VPS13C: variants seen among roughly 807,000 people sequenced by gnomAD.
VPS13C encodes the protein vacuolar protein sorting 13 homolog C.
Under a neutral mutation model 456.8 loss-of-function variants are expected in VPS13C, and 358 were observed. That is an observed-to-expected ratio of 0.78 (90% CI 0.72 to 0.86). The LOEUF (loss-of-function observed/expected upper bound fraction) is 0.86, where lower values mean the gene tolerates loss of function less well. Among genes scored for constraint, VPS13C ranks in the 40% least tolerant of loss-of-function variants. VPS13C has a pLI of 0.00. For missense variants in VPS13C, 4,818 were observed against 4,385.4 expected, an observed-to-expected ratio of 1.10 and a Z score of -2.79; for synonymous variants, 1,578 against 1,486.7, an observed-to-expected ratio of 1.06 and a Z score of -1.41.
intron 78 of VPS13C, among the ~76,000 whole-genome samples, chr15:61,872,686 A>G (rs1205081207): frequency 6.6e-6 from 1 of 152,092 alleles, no homozygotes; most frequent in Non-Finnish European, 1.5e-5. Flanking sequence ...TGATGGATAC[A>G]CACTTAAATT....
chr15:62,028,382 A>T lies in VPS13C; in HGVS notation c.424T>A (p.Phe142Ile). The T allele has an allele frequency of 6.2e-7, 1 of 1,613,092 alleles. No individual in the cohort carries two copies. The highest frequency in any genetic ancestry group is 8.5e-7 in the Non-Finnish European group (1 of 1,179,296). Residue 142 changes from phenylalanine (F) to isoleucine (I), a missense_variant, in exon 6 of 85, where the codon TTT (phenylalanine) becomes ATT (isoleucine). This residue lies in a region of VPS13C where 4,552 missense variants were observed against 4,130.6 expected (regional missense o/e 1.10). Coordinates refer to ENST00000644861, the MANE Select transcript of VPS13C (RefSeq NM_020821.3). ...CCAGGCTTGATGTCCTTGTAAACAA[A>T]GTTCTCCAAGCCATATATGAACTCC... is the stretch of plus-strand genomic sequence containing the variant. ...SGEFIYGLEN[F>I]VYKDIKPGRK...
At chr15:61,892,643 C>A (rs2042687045) in intron 66 of VPS13C, among the ~76,000 whole-genome samples, 1 of 152,136 alleles carries the variant, frequency 6.6e-6, no homozygotes, top group Admixed American at 6.5e-5. Flanking sequence ...CCCAAACAGA[C>A]AAAGCAAAGT....
chr15:61,982,383 G>T (rs2045913746), intron 21 of VPS13C, 76 bp downstream of exon 21: 1 of 1,038,798 alleles, frequency 9.6e-7, no homozygotes, highest in South Asian at 1.6e-5. Flanking sequence ...ATAATATTTT[G>T]AATACAATGT....
chr15:62,056,077 T>C (rs1290271300), intron 1 of VPS13C, among the ~76,000 whole-genome samples: 1 of 152,180 alleles, frequency 6.6e-6, no homozygotes, highest in African/African-American at 2.4e-5. Flanking sequence ...TTAGGCTAGT[T>C]AGACATTCCA....
intron 6 of VPS13C, among the ~76,000 whole-genome samples, chr15:62,026,291 A>G (rs2047635069): frequency 6.6e-6 from 1 of 151,932 alleles, no homozygotes; most frequent in Non-Finnish European, 1.5e-5. Flanking sequence ...CCCTTTACAC[A>G]TGTATGATTT....
chr15:61,892,191 G>T (rs1162280292), intron 66 of VPS13C, among the ~76,000 whole-genome samples: 1 of 152,186 alleles, frequency 6.6e-6, no homozygotes, highest in Admixed American at 6.5e-5. Context: ...GGAGAAGCAG[G>T]ATTAAAAACT....
rs2046887494 is a variant in VPS13C, at chr15:62,007,348, G to A, written c.1250C>T (p.Thr417Ile). 2 of 1,612,230 alleles carry A rather than the reference G, an allele frequency of 1.2e-6. No individual in the cohort carries two copies. The highest frequency in any genetic ancestry group is 2.2e-5 in the South Asian group (2 of 90,642). Reference sequence around the variant, plus strand: ...TATTTCTTCTGAGACTTTAGACTGTGTTAACTTGTTTTTGTAGGCAATTTT... The same window carrying A: ...TATTTCTTCTGAGACTTTAGACTGTATTAACTTGTTTTTGTAGGCAATTTT... ...SYKIAYKNKL[T>I]QSKVSEEIQK... Residue 417 changes from threonine (T) to isoleucine (I), a missense_variant, in exon 15 of 85, where the codon ACA (threonine) becomes ATA (isoleucine). By Grantham distance (89) the Thr-to-Ile change is moderately conservative (BLOSUM62 -1). This residue lies in a region of VPS13C where 4,552 missense variants were observed against 4,130.6 expected (regional missense o/e 1.10). Coordinates refer to ENST00000644861, the MANE Select transcript of VPS13C (RefSeq NM_020821.3).
chr15:61,937,520 G>A (rs1156877669), intron 47 of VPS13C, among the ~76,000 whole-genome samples: 1 of 152,098 alleles, frequency 6.6e-6, no homozygotes, highest in Non-Finnish European at 1.5e-5. Flanking sequence ...TGTCGCCCAG[G>A]CTAGAGTGCA....
chr15:61,917,694 C>T (rs901365397), intron 59 of VPS13C, 59 bp from the exon 60 acceptor site: 6 of 1,530,892 alleles, frequency 3.9e-6, no homozygotes, highest in Non-Finnish European at 4.4e-6. Flanking sequence ...AAAAAAGCAT[C>T]TCATTAAATC....
At chr15:61,872,109 T>C (rs770714560) in intron 78 of VPS13C, 75 bp from the exon 79 acceptor site, 503 of 1,206,726 alleles carry the variant, frequency 4.2e-4, no homozygotes, top group Non-Finnish European at 5.8e-4. Flanking sequence ...TAGAGGTCTC[T>C]ACAGACATAC....
At chr15:61,866,049 C>T (rs964856450) in intron 81 of VPS13C, 1 of 984,408 alleles carries the variant, frequency 1.0e-6, no homozygotes, top group Non-Finnish European at 1.2e-6. Flanking sequence ...TTACTCGGTC[C>T]CTTAAGGACA....
At chr15:61,881,049 T>C (rs575700251) in intron 71 of VPS13C, 95 bp from the exon 72 acceptor site, 9 of 958,702 alleles carry the variant, frequency 9.4e-6, no homozygotes, top group Admixed American at 3.1e-5. Flanking sequence ...CACAGTTATA[T>C]CTTGTTCCTT....
chr15:61,962,862 A>G lies in VPS13C; in HGVS notation c.3332-10T>C. On this transcript the variant is annotated splice_polypyrimidine_tract_variant and intron_variant, in intron 32 of 84. Transcript: ENST00000644861. ...AGGGAGGAATCCAGTCCTGAAAAAAAGAGTGTATTATTATAATTTCTACAG... is the reference window on the plus strand; with the variant it reads ...AGGGAGGAATCCAGTCCTGAAAAAAGGAGTGTATTATTATAATTTCTACAG... The G allele has an allele frequency of 6.4e-7, 1 of 1,555,474 alleles. No individual in the cohort carries two copies. Among genetic ancestry groups the G allele is most frequent in the Non-Finnish European group, 8.8e-7 (1 of 1,135,114 alleles).
intron 82 of VPS13C, chr15:61,856,616 G>A: frequency 3.0e-6 from 1 of 334,634 alleles, no homozygotes; most frequent in Non-Finnish European, 5.2e-6. Flanking sequence ...CAACAAAGTA[G>A]ACTCAAAAAT....
intron 66 of VPS13C, among the ~76,000 whole-genome samples, chr15:61,899,732 A>G (rs983180039): frequency 3.3e-5 from 5 of 151,668 alleles, no homozygotes; most frequent in African/African-American, 1.2e-4. Context: ...AATCAACAGA[A>G]AAAGAGGGAA....
chr15:61,867,387 T>A lies in VPS13C; in HGVS notation c.10863+1272A>T, dbSNP rs371575733. 4.0e-5 allele frequency: 39 copies of A among 985,562 alleles called. No individual in the cohort carries two copies. In the East Asian group the frequency reaches 1.7e-3, roughly 43 times the overall value. 61.1% of individuals were successfully genotyped at this position (985,562 alleles called of 1,614,324 possible). A position where few individuals can be genotyped will look rare whatever the true frequency, so the allele number is the denominator to read the frequency against. ...CCTCAAAATTCATGTGCCAACTATT[T>A]ATTACTTGAGGTCTAAGGGCAGGCT... On this transcript the variant is annotated intron_variant, in intron 81 of 84. Transcript: ENST00000644861. This position sits in a 1 kb window ranked among gnomAD's most constrained non-coding sequence, Gnocchi z 5.0.
At position 61,856,352 on chromosome 15, in the gene VPS13C, T is replaced by C. The variant is rs1003772077; in HGVS notation, c.11010A>G (p.Gln3670=). Residue 3670 remains glutamine, a synonymous_variant, in exon 83 of 85, where the codon CAA becomes CAG. Transcript: ENST00000644861. ...EILGLMCVDW[Q]CPFEDFVFPP... is the part of the protein sequence containing the mutation. ...GAAATACAAAATCTTCAAATGGACA[T>C]TGCCAGTCTACACACATAAGGCCCA... 1.2e-6 allele frequency: 2 copies of C among 1,613,262 alleles called. No individual in the cohort carries two copies. The highest frequency in any genetic ancestry group is 1.7e-6 in the Non-Finnish European group (2 of 1,179,626).
At chr15:61,982,599 C>G in intron 20 of VPS13C, 26 bp from the exon 21 acceptor site, 1 of 1,514,852 alleles carries the variant, frequency 6.6e-7, no homozygotes, top group Non-Finnish European at 9.0e-7. Context: ...TTTAACATAA[C>G]CAAGTTACAC....
At chr15:61,915,025 G>T (rs1235793350) in intron 61 of VPS13C, among the ~76,000 whole-genome samples, 2 of 151,908 alleles carry the variant, frequency 1.3e-5, no homozygotes, top group East Asian at 3.9e-4. Context: ...TATATATCAG[G>T]CTTGAGCAGA....
Sources: gnomAD v4.1 joint callset for allele counts (sites outside exome capture counted in the v4.1 genomes callset) on GRCh38, gnomAD v4.1.1 for gene constraint, gnomAD v4.1.1 regional missense constraint, Gnocchi (gnomAD v3.1) non-coding constraint, MANE v1.5 for transcripts, NCBI Gene and HGNC (gene_info 2026-07-23, HGNC 2026-07-21) for gene names.